ZNF385B: variants seen among roughly 807,000 people sequenced by gnomAD.
ZNF385B encodes zinc finger protein 385B.
In ZNF385B, 23 loss-of-function variants were observed where a neutral mutation model predicts 39.2. That is an observed-to-expected ratio of 0.59 (90% CI 0.42 to 0.83). ZNF385B has a LOEUF of 0.83. Ranked by LOEUF, ZNF385B falls within the 40% of genes least tolerant of loss-of-function variation. ZNF385B has a pLI of 0.00. For synonymous variants in ZNF385B, 205 were observed against 222.6 expected (o/e 0.92, Z 0.70); for missense variants, 552 against 598.9 (o/e 0.92, Z 0.82).
intron 3 of ZNF385B, among the ~76,000 whole-genome samples, chr2:179,678,039 C>T (rs1021606748): frequency 1.3e-5 from 2 of 151,886 alleles, no homozygotes; most frequent in African/African-American, 4.8e-5. Context: ...ATCAAGGGGC[C>T]ACAAACCAAA....
intron 3 of ZNF385B, among the ~76,000 whole-genome samples, chr2:179,678,420 T>C (rs1697153494): frequency 6.6e-6 from 1 of 152,210 alleles, no homozygotes; most frequent in African/African-American, 2.4e-5. Flanking sequence ...GAAGGACTTC[T>C]AGGTACTATA....
chr2:179,682,893 C>T (rs971541741), intron 3 of ZNF385B, among the ~76,000 whole-genome samples: 2 of 152,172 alleles, frequency 1.3e-5, no homozygotes, highest in African/African-American at 4.8e-5. Flanking sequence ...TCAGGAAGCA[C>T]AGTCATCCCT....
At chr2:179,733,115 A>T (rs1314874258) in intron 3 of ZNF385B, among the ~76,000 whole-genome samples, 1 of 152,218 alleles carries the variant, frequency 6.6e-6, no homozygotes, top group Non-Finnish European at 1.5e-5. Flanking sequence ...GAAGGTAAAC[A>T]TGCATTATCA....
At chr2:179,636,258 T>C (rs1475837747) in intron 3 of ZNF385B, among the ~76,000 whole-genome samples, 1 of 152,218 alleles carries the variant, frequency 6.6e-6, no homozygotes, top group Non-Finnish European at 1.5e-5. Flanking sequence ...ACATTCATAA[T>C]ACAACATAGC....
chr2:179,773,979 G>A (rs562555178), intron 1 of ZNF385B, among the ~76,000 whole-genome samples: 7 of 152,188 alleles, frequency 4.6e-5, no homozygotes, highest in Admixed American at 3.9e-4. Flanking sequence ...TAAGGTGAGC[G>A]GGATGGGAGG....
At chr2:179,831,471 CTT>C (rs776255786) in intron 1 of ZNF385B, among the ~76,000 whole-genome samples, 7 of 149,090 alleles carry the variant, frequency 4.7e-5, no homozygotes, top group Non-Finnish European at 8.9e-5. Flanking sequence ...GATGCCAAAA[CTT>C]ACAGGATCAA....
chr2:179,550,679 C>T (rs1312769002), intron 3 of ZNF385B, among the ~76,000 whole-genome samples: 1 of 149,568 alleles, frequency 6.7e-6, no homozygotes, highest in African/African-American at 2.5e-5. Context: ...TTTAATACTG[C>T]TTCACCAGGA....
chr2:179,777,597 G>A (rs961602331), intron 1 of ZNF385B, among the ~76,000 whole-genome samples: 2 of 151,676 alleles, frequency 1.3e-5, no homozygotes, highest in African/African-American at 4.8e-5. Context: ...ATTTCATGAT[G>A]GCATTAACTT....
chr2:179,448,363 A>G lies in ZNF385B; in HGVS notation c.716-1593T>C, dbSNP rs77505417. Among the ~76,000 whole-genome samples, 344 of 152,216 alleles carry G rather than the reference A, an allele frequency of 2.3e-3. 1 individual carries two copies. Among genetic ancestry groups the G allele is most frequent in the Non-Finnish European group, 4.1e-3 (279 of 67,964 alleles). Reference sequence around the variant, plus strand: ...TCATAAAGCAGCAAAATAATTCAGTAATCTTAATATTTGGAATTACTCAGT... The same window carrying G: ...TCATAAAGCAGCAAAATAATTCAGTGATCTTAATATTTGGAATTACTCAGT... On this transcript the variant is annotated intron_variant, in intron 6 of 9. Transcript: ENST00000410066.
chr2:179,567,599 C>A (rs933550115), intron 3 of ZNF385B, among the ~76,000 whole-genome samples: 2 of 152,114 alleles, frequency 1.3e-5, no homozygotes, highest in Non-Finnish European at 2.9e-5. Flanking sequence ...ACTAATGTAT[C>A]CTAAGCACCA....
intron 3 of ZNF385B, among the ~76,000 whole-genome samples, chr2:179,638,818 A>G (rs1018912271): frequency 3.9e-5 from 6 of 152,276 alleles, no homozygotes; most frequent in African/African-American, 1.4e-4. Context: ...TGATGAGAAC[A>G]AGTTGAAAAG....
intron 3 of ZNF385B, among the ~76,000 whole-genome samples, chr2:179,619,617 C>G (rs550659325): frequency 1.3e-5 from 2 of 152,282 alleles, no homozygotes; most frequent in South Asian, 2.1e-4. Flanking sequence ...AGTAATCACT[C>G]TAAATATTAA....
intron 6 of ZNF385B, among the ~76,000 whole-genome samples, chr2:179,459,619 G>A (rs554029611): frequency 3.2e-4 from 45 of 138,476 alleles, no homozygotes; most frequent in Admixed American, 6.9e-4. Context: ...GTGTGTGTAT[G>A]TGTGTGTGGA....
intron 3 of ZNF385B, among the ~76,000 whole-genome samples, chr2:179,646,427 CAAAT>C (rs1215647446): frequency 6.6e-6 from 1 of 152,146 alleles, no homozygotes; most frequent in East Asian, 1.9e-4. Context: ...AACAAACAAA[CAAAT>C]AAGCAAAAAA....
chr2:179,467,438 C>A (rs1024022507), intron 6 of ZNF385B, among the ~76,000 whole-genome samples: 1 of 152,190 alleles, frequency 6.6e-6, no homozygotes, highest in African/African-American at 2.4e-5. Flanking sequence ...TATATGGTGT[C>A]TGCCATTTTG....
intron 3 of ZNF385B, among the ~76,000 whole-genome samples, chr2:179,671,165 G>C (rs550134512): frequency 3.3e-5 from 5 of 152,320 alleles, no homozygotes; most frequent in African/African-American, 1.2e-4. Context: ...TCTGGCGACT[G>C]TCAGCTGCTT....
chr2:179,564,215 T>A (rs915796273), intron 3 of ZNF385B, among the ~76,000 whole-genome samples: 9 of 152,148 alleles, frequency 5.9e-5, no homozygotes, highest in Non-Finnish European at 8.8e-5. Flanking sequence ...AACATGCTGA[T>A]GTTTGAGAAC....
At chr2:179,491,918 C>T (rs376486827) in intron 5 of ZNF385B, among the ~76,000 whole-genome samples, 65 of 148,358 alleles carry the variant, frequency 4.4e-4, no homozygotes, top group Non-Finnish European at 8.6e-4. Flanking sequence ...TCAGGCTGGC[C>T]TTAAACTCCT....
intron 3 of ZNF385B, among the ~76,000 whole-genome samples, chr2:179,650,191 CA>C (rs2106244676): frequency 6.6e-6 from 1 of 152,256 alleles, no homozygotes; most frequent in East Asian, 1.9e-4. Flanking sequence ...AGACTACACT[CA>C]AAACAGTTCT....
Sources: gnomAD v4.1 joint callset for allele counts (sites outside exome capture counted in the v4.1 genomes callset) on GRCh38, gnomAD v4.1.1 for gene constraint, MANE v1.5 for transcripts, NCBI Gene and HGNC (gene_info 2026-07-23, HGNC 2026-07-21) for gene names.